PTPRR: variants seen among roughly 807,000 people sequenced by gnomAD.
PTPRR encodes protein tyrosine phosphatase receptor type R, also known as receptor-type tyrosine-protein phosphatase R.
Under a neutral mutation model 77.2 loss-of-function variants are expected in PTPRR, and 38 were observed. The observed-to-expected ratio is 0.49, with a 90% CI of 0.38 to 0.65. PTPRR has a LOEUF of 0.65. Ranked by LOEUF, PTPRR falls within the 30% of genes least tolerant of loss-of-function variation. The pLI, the probability that PTPRR is intolerant of heterozygous loss-of-function variation, is 0.00. For missense variants in PTPRR, 744 were observed against 799.2 expected, an observed-to-expected ratio of 0.93 and a Z score of 0.83; for synonymous variants, 299 against 283.1, an observed-to-expected ratio of 1.06 and a Z score of -0.57.
intron 8 of PTPRR, among the ~76,000 whole-genome samples, chr12:70,691,299 G>C (rs1451530300): frequency 6.6e-6 from 1 of 152,080 alleles, no homozygotes; most frequent in East Asian, 1.9e-4. Context: ...AAAAACTGTT[G>C]ACTGTATATC....
At chr12:70,655,964 C>T (rs1242171519) in intron 13 of PTPRR, among the ~76,000 whole-genome samples, 2 of 152,076 alleles carry the variant, frequency 1.3e-5, no homozygotes, top group African/African-American at 4.8e-5. Flanking sequence ...GTAATCCCAG[C>T]ACTTTGGGAG....
intron 2 of PTPRR, among the ~76,000 whole-genome samples, chr12:70,774,039 C>T (rs965802816): frequency 2.0e-5 from 3 of 152,334 alleles, no homozygotes; most frequent in Non-Finnish European, 2.9e-5. Context: ...ACAGAGGCTT[C>T]CTTTCATCCG....
intron 4 of PTPRR, among the ~76,000 whole-genome samples, chr12:70,755,389 G>A (rs1367798211): frequency 1.3e-5 from 2 of 151,874 alleles, no homozygotes; most frequent in Admixed American, 1.3e-4. Flanking sequence ...TATTTTTAAG[G>A]CTTTTAAAAA....
At chr12:70,811,884 G>T (rs1057136837) in intron 2 of PTPRR, among the ~76,000 whole-genome samples, 2 of 152,248 alleles carry the variant, frequency 1.3e-5, no homozygotes, top group Non-Finnish European at 2.9e-5. Flanking sequence ...TACAGACTTT[G>T]CCTGATTCCA....
intron 1 of PTPRR, chr12:70,906,791 T>G (rs1893629603): frequency 6.6e-6 from 1 of 152,170 alleles, no homozygotes; most frequent in South Asian, 2.1e-4. Context: ...AAACTAGCCA[T>G]TTTGTTACAA....
At position 70,656,750 on chromosome 12, in the gene PTPRR, C is replaced by T. The variant is rs761447828; in HGVS notation, c.1834G>A (p.Gly612Arg). 1 of 1,613,972 alleles carries T rather than the reference C, an allele frequency of 6.2e-7. No individual in the cohort carries two copies. The highest frequency in any genetic ancestry group is 1.7e-5 in the Admixed American group (1 of 60,016). Reference sequence around the variant, plus strand: ...ACAATGCTTAGTGCATCCACAACTCCTTCTTCTTTCAGCTGTTGACAGCCA... The same window carrying T: ...ACAATGCTTAGTGCATCCACAACTCTTTCTTCTTTCAGCTGTTGACAGCCA... Reference protein sequence around the residue: ...SIGCQQLKEEGVVDALSIVCQ... With the variant: ...SIGCQQLKEERVVDALSIVCQ... Residue 612 changes from glycine (G) to arginine (R), a missense_variant, in exon 13 of 14, where the codon GGA (glycine) becomes AGA (arginine). Gly to Arg is a moderately radical substitution (Grantham distance 125). Coordinates refer to ENST00000283228, the MANE Select transcript of PTPRR (RefSeq NM_002849.4).
chr12:70,920,246 G>T (rs1400855727), intron 1 of PTPRR, 87 bp downstream of exon 1: 4 of 1,425,198 alleles, frequency 2.8e-6, no homozygotes, highest in Non-Finnish European at 3.9e-6. Flanking sequence ...GGCTTTCTTC[G>T]CAAGGCAAGC....
chr12:70,756,847 T>A (rs1167075233), intron 4 of PTPRR, among the ~76,000 whole-genome samples: 1 of 152,136 alleles, frequency 6.6e-6, no homozygotes, highest in Admixed American at 6.5e-5. Context: ...GAGAGACGAT[T>A]CAGAGATACA....
At chr12:70,665,203 A>G (rs1403312943) in intron 10 of PTPRR, among the ~76,000 whole-genome samples, 1 of 152,048 alleles carries the variant, frequency 6.6e-6, no homozygotes, top group Non-Finnish European at 1.5e-5. Flanking sequence ...AATTCTAAGA[A>G]TCCATAATTT....
intron 2 of PTPRR, among the ~76,000 whole-genome samples, chr12:70,862,688 T>C (rs975576924): frequency 2.0e-4 from 31 of 151,682 alleles, no homozygotes; most frequent in Middle Eastern, 3.4e-3. Flanking sequence ...CATGTATACA[T>C]ATGTAACTAA....
At chr12:70,804,638 T>A (rs376485341) in intron 2 of PTPRR, among the ~76,000 whole-genome samples, 1 of 152,150 alleles carries the variant, frequency 6.6e-6, no homozygotes, top group South Asian at 2.1e-4. Flanking sequence ...AATATCCATA[T>A]GGCTCAATAC....
chr12:70,917,925 A>G (rs1194298963), intron 1 of PTPRR, among the ~76,000 whole-genome samples: 1 of 152,212 alleles, frequency 6.6e-6, no homozygotes, highest in East Asian at 1.9e-4. Context: ...ACCAAAATGG[A>G]TCAATTAGCT....
intron 1 of PTPRR, among the ~76,000 whole-genome samples, chr12:70,918,446 G>A (rs1391487121): frequency 2.0e-5 from 3 of 151,894 alleles, no homozygotes; most frequent in Non-Finnish European, 4.4e-5. Flanking sequence ...TCTTTGTTTT[G>A]CAAATTAAAA....
chr12:70,667,779 G>A (rs1303287423), intron 10 of PTPRR, among the ~76,000 whole-genome samples: 1 of 151,926 alleles, frequency 6.6e-6, no homozygotes, highest in East Asian at 1.9e-4. Flanking sequence ...ATACCAGAAA[G>A]GGACTCTCTT....
chr12:70,697,703 T>G (rs1888277615), intron 8 of PTPRR, among the ~76,000 whole-genome samples: 1 of 152,130 alleles, frequency 6.6e-6, no homozygotes. Context: ...TGTGTAGGTC[T>G]CTGGTCCATT....
At chr12:70,666,181 G>A (rs1438700806) in intron 10 of PTPRR, among the ~76,000 whole-genome samples, 7 of 151,570 alleles carry the variant, frequency 4.6e-5, no homozygotes, top group Non-Finnish European at 8.8e-5. Context: ...AGGTGTTTTG[G>A]TAGGGGAAAA....
At chr12:70,693,332 C>A (rs922631560) in intron 8 of PTPRR, among the ~76,000 whole-genome samples, 2 of 152,150 alleles carry the variant, frequency 1.3e-5, no homozygotes, top group Non-Finnish European at 2.9e-5. Flanking sequence ...GTTGCCCAGG[C>A]TGAATTGCAG....
In PTPRR at chr12:70,744,740, G is replaced by A. The variant is rs544054598; in HGVS notation, c.1007+1078C>T. Among the ~76,000 whole-genome samples the A allele has an allele frequency of 1.6e-4, 25 of 152,254 alleles. No individual in the cohort carries two copies. The East Asian group carries it at 4.8e-3, about 29-fold the overall frequency. On this transcript the variant is annotated intron_variant, in intron 6 of 13. Transcript: ENST00000283228. ...AACCTCAGGCAACAAAATATATGGGGTTAGAAAATGGAGACATGGAAAATA... is the reference window on the plus strand; with the variant it reads ...AACCTCAGGCAACAAAATATATGGGATTAGAAAATGGAGACATGGAAAATA...
intron 2 of PTPRR, among the ~76,000 whole-genome samples, chr12:70,842,619 A>G (rs1892415568): frequency 6.6e-6 from 1 of 152,150 alleles, no homozygotes; most frequent in Non-Finnish European, 1.5e-5. Flanking sequence ...CTGTGGTCAC[A>G]TTGCCTCCTT....
Sources: allele counts gnomAD v4.1 joint callset (sites outside exome capture counted in the v4.1 genomes callset), GRCh38; gene constraint gnomAD v4.1.1; transcripts MANE v1.5; gene names NCBI Gene and HGNC (gene_info 2026-07-23, HGNC 2026-07-21).